SYK: variants seen among roughly 807,000 people sequenced by gnomAD.
SYK encodes spleen associated tyrosine kinase.
In SYK, 16 loss-of-function variants were observed where a neutral mutation model predicts 77.8. The observed-to-expected ratio is 0.21, with a 90% CI of 0.14 to 0.31. The LOEUF (loss-of-function observed/expected upper bound fraction) is 0.31, where lower values mean the gene tolerates loss of function less well. Ranked by LOEUF, SYK falls within the 10% of genes least tolerant of loss-of-function variation. SYK has a pLI of 1.00. For missense variants in SYK, 529 were observed against 814.4 expected (o/e 0.65, Z 4.26); for synonymous variants, 312 against 308.7 (o/e 1.01, Z -0.11).
chr9:90,856,591 C>CTGTT (rs61333133), intron 3 of SYK, among the ~76,000 whole-genome samples: 43,009 of 151,050 alleles, frequency 0.28, 6,341 homozygotes, highest in East Asian at 0.42. Flanking sequence ...TCTAGCAGTT[C>CTGTT]TGTTTGTTTG....
chr9:90,847,029 A>G (rs538139276), intron 3 of SYK, among the ~76,000 whole-genome samples: 5 of 152,356 alleles, frequency 3.3e-5, no homozygotes, highest in Admixed American at 3.3e-4. Context: ...TTTGGCCACG[A>G]AGCTGTTTCT....
rs889991607 is a variant in SYK, at chr9:90,895,451, C to A, written c.1836-77C>A. The A allele has an allele frequency of 5.4e-6, 8 of 1,490,616 alleles. No individual in the cohort carries two copies. Among genetic ancestry groups the A allele is most frequent in the Non-Finnish European group, 7.4e-6 (8 of 1,075,028 alleles). 92.3% of individuals were successfully genotyped at this position (1,490,616 alleles called of 1,614,324 possible). ...AGGGAGCAGCACCACTGGTACTCAG[C>A]CTGCAGAGGCCCTGCTTGTGATCAG... On this transcript the variant is annotated intron_variant, in intron 13 of 13. Coordinates refer to ENST00000375754, the MANE Select transcript of SYK (RefSeq NM_003177.7). The surrounding 1 kb of genome is among the most constrained non-coding windows in gnomAD (Gnocchi z 4.4).
intron 13 of SYK, among the ~76,000 whole-genome samples, chr9:90,892,985 C>T (rs1038872045): frequency 7.9e-5 from 12 of 152,214 alleles, no homozygotes; most frequent in Admixed American, 3.9e-4. Context: ...TTCCTCTGAG[C>T]GGCACATCCT....
rs756535744 is a variant in SYK at position 90,874,273 on chromosome 9, C to T, written c.985C>T (p.Pro329Ser). ...SFNPYEPELA[P>S]WAADKGPQRE... ...CAATCCGTATGAGCCAGAACTTGCA[C>T]CCTGGGCTGCAGACAAAGGTGAGAC... is the stretch of plus-strand genomic sequence containing the variant. The change falls in exon 8 of 14, where the codon CCC (proline) becomes TCC (serine). Residue 329 changes from proline (P) to serine (S), a missense_variant. By Grantham distance (74) the Pro-to-Ser change is moderately conservative. Transcript: ENST00000375754. 3 of 1,614,184 alleles carry T rather than the reference C, an allele frequency of 1.9e-6. No individual in the cohort carries two copies. In the South Asian group the frequency reaches 3.3e-5, roughly 18 times the overall value.
At chr9:90,854,302 C>A (rs1310158656) in intron 3 of SYK, among the ~76,000 whole-genome samples, 1 of 152,144 alleles carries the variant, frequency 6.6e-6, no homozygotes, top group Non-Finnish European at 1.5e-5. Context: ...GGAGAGGCAC[C>A]TGGAGAGCTG....
chr9:90,860,973 C>T (rs1273681354), intron 3 of SYK, among the ~76,000 whole-genome samples: 2 of 152,108 alleles, frequency 1.3e-5, no homozygotes, highest in Non-Finnish European at 2.9e-5. Flanking sequence ...AATTTTGGAC[C>T]TCAGCTTCCT....
rs746939088 is a variant in SYK at position 90,817,845 on chromosome 9, TTGTG to T, written c.-42+15987_-42+15990del. Among the ~76,000 whole-genome samples the T allele has an allele frequency of 1.2e-3, 160 of 137,622 alleles. 1 individual carries two copies. Among genetic ancestry groups the T allele is most frequent in the South Asian group, 2.3e-3 (10 of 4,314 alleles). The allele number at this position is 137,622 out of a possible 152,430, so 90.3% of individuals were successfully genotyped here. A position where few individuals can be genotyped will look rare whatever the true frequency, so the allele number is the denominator to read the frequency against. Reference sequence around the variant, plus strand: ...AATATTTCCTCCCTTCTCAATAATGTTGTGTGTGTGTGTGTGTGTGTGTGTGTGT... The same window carrying T: ...AATATTTCCTCCCTTCTCAATAATGTTGTGTGTGTGTGTGTGTGTGTGTGT... On this transcript the variant is annotated intron_variant, in intron 1 of 13. Transcript: ENST00000375754.
At chr9:90,871,198 A>G (rs771197738) in intron 7 of SYK, among the ~76,000 whole-genome samples, 71 of 152,254 alleles carry the variant, frequency 4.7e-4, no homozygotes, top group South Asian at 2.1e-4. Flanking sequence ...TTTGGAAGGT[A>G]GAAAGCGAAG....
chr9:90,808,963 A>G (rs777674674), intron 1 of SYK, among the ~76,000 whole-genome samples: 1 of 152,012 alleles, frequency 6.6e-6, no homozygotes, highest in African/African-American at 2.4e-5. Context: ...CTATGACTTC[A>G]TTTTCTGTAA....
chr9:90,830,541 A>C (rs907176556), intron 1 of SYK, among the ~76,000 whole-genome samples: 2 of 151,196 alleles, frequency 1.3e-5, no homozygotes, highest in African/African-American at 4.9e-5. Flanking sequence ...CCCTGACCAA[A>C]CCAGCAAGAT....
intron 3 of SYK, among the ~76,000 whole-genome samples, chr9:90,849,087 AC>A (rs1223937037): frequency 6.6e-6 from 1 of 152,210 alleles, no homozygotes; most frequent in Non-Finnish European, 1.5e-5. Flanking sequence ...CAGAGCACTC[AC>A]GGCACTGGGA....
intron 1 of SYK, among the ~76,000 whole-genome samples, chr9:90,833,139 C>G (rs1825954083): frequency 6.6e-6 from 1 of 152,206 alleles, no homozygotes; most frequent in African/African-American, 2.4e-5. Flanking sequence ...CATGAGCTAG[C>G]TTCAGAGACC....
intron 1 of SYK, among the ~76,000 whole-genome samples, chr9:90,809,814 C>G (rs1024422682): frequency 6.6e-6 from 1 of 152,124 alleles, no homozygotes; most frequent in Admixed American, 6.5e-5. Flanking sequence ...TGTCCCCCTA[C>G]GGGGCAGAAC....
In SYK at chr9:90,895,691, C is replaced by A. The variant is rs1828957548; in HGVS notation, c.*91C>A. 3 of 1,259,700 alleles carry A rather than the reference C, an allele frequency of 2.4e-6. No individual in the cohort carries two copies. Among genetic ancestry groups the A allele is most frequent in the Non-Finnish European group, 2.3e-6 (2 of 871,126 alleles). 78.0% of individuals were successfully genotyped at this position (1,259,700 alleles called of 1,614,324 possible). ...GGAATTGATTGTCAGCCACCTCCCT[C>A]TGCCAGTCGGGAGAGCCAGGCTTGG... On this transcript the variant is annotated 3_prime_UTR_variant, in exon 14 of 14. Transcript: ENST00000375754. This position sits in a 1 kb window ranked among gnomAD's most constrained non-coding sequence, Gnocchi z 4.4.
intron 1 of SYK, among the ~76,000 whole-genome samples, chr9:90,824,807 C>T (rs187306): frequency 0.85 from 129,429 of 151,854 alleles, 55,478 homozygotes; most frequent in Non-Finnish European, 0.88. Flanking sequence ...CCCTCTGATA[C>T]TGAAAACAAG....
At chr9:90,890,659 A>G (rs1828750760) in intron 13 of SYK, among the ~76,000 whole-genome samples, 1 of 152,258 alleles carries the variant, frequency 6.6e-6, no homozygotes, top group Admixed American at 6.5e-5. Context: ...ACAATGGCCC[A>G]TGCCCCATAT....
intron 6 of SYK, among the ~76,000 whole-genome samples, chr9:90,866,734 C>T (rs1411896010): frequency 6.6e-6 from 1 of 152,144 alleles, no homozygotes; most frequent in African/African-American, 2.4e-5. Flanking sequence ...CAATTAATTT[C>T]CACAAAATTT....
chr9:90,887,973 C>G (rs1359980415), intron 12 of SYK, 84 bp downstream of exon 12: 2 of 1,449,550 alleles, frequency 1.4e-6, no homozygotes, highest in African/African-American at 2.9e-5. Context: ...ACCTGAAAAT[C>G]CTAATCTGAG....
At chr9:90,835,090 A>G (rs1328490326) in intron 1 of SYK, among the ~76,000 whole-genome samples, 1 of 152,228 alleles carries the variant, frequency 6.6e-6, no homozygotes, top group Non-Finnish European at 1.5e-5. Context: ...CCCTACACAC[A>G]TAACAGAGAA....
Sources: allele counts gnomAD v4.1 joint callset (sites outside exome capture counted in the v4.1 genomes callset), GRCh38; gene constraint gnomAD v4.1.1; non-coding constraint Gnocchi (gnomAD v3.1); transcripts MANE v1.5; gene names NCBI Gene and HGNC (gene_info 2026-07-23, HGNC 2026-07-21).